The following CNOT2 variants were observed in gnomAD, a reference collection of about 807,000 sequenced individuals.
CNOT2 encodes CCR4-NOT transcription complex subunit 2.
CNOT2 carries 7 observed loss-of-function variants against 72.1 expected under a neutral mutation model. The observed-to-expected ratio is 0.10, with a 90% CI of 0.06 to 0.18. The LOEUF (loss-of-function observed/expected upper bound fraction) is 0.18, where lower values mean the gene tolerates loss of function less well. CNOT2 is among the 10% of genes least tolerant of loss of function. The pLI, the probability that CNOT2 is intolerant of heterozygous loss-of-function variation, is 1.00. For synonymous variants in CNOT2, 196 were observed against 225.6 expected, an observed-to-expected ratio of 0.87 and a Z score of 1.17; for missense variants, 345 against 660.3, an observed-to-expected ratio of 0.52 and a Z score of 5.23.
At chr12:70,245,919 G>A (rs142230172) in intron 1 of CNOT2, among the ~76,000 whole-genome samples, 51 of 152,256 alleles carry the variant, frequency 3.3e-4, no homozygotes, top group African/African-American at 1.2e-3. Flanking sequence ...TGTATGAATA[G>A]ATTTTATTAG....
intron 1 of CNOT2, among the ~76,000 whole-genome samples, chr12:70,267,239 A>C (rs967967218): frequency 6.6e-6 from 1 of 152,158 alleles, no homozygotes. Flanking sequence ...GGAAGCCCCA[A>C]ATCTCAAGGT....
In CNOT2 at chr12:70,354,163, T is replaced by A. The variant is rs2136104969; in HGVS notation, c.*248T>A. 1.6e-6 allele frequency: 1 copy of A among 616,654 alleles called. No individual in the cohort carries two copies. Among genetic ancestry groups the A allele is most frequent in the Non-Finnish European group, 2.4e-6 (1 of 420,616 alleles). 38.2% of individuals were successfully genotyped at this position (616,654 alleles called of 1,614,324 possible). On this transcript the variant is annotated 3_prime_UTR_variant, in exon 16 of 16. Transcript: ENST00000229195. Reference sequence around the variant, plus strand: ...AGCAGGGTCTGAATTTTTTCATTTATTTCCTTTTTTGCCAGCAGACAGACT... The same window carrying A: ...AGCAGGGTCTGAATTTTTTCATTTAATTCCTTTTTTGCCAGCAGACAGACT...
chr12:70,314,780 T>C (rs936960081), intron 3 of CNOT2, among the ~76,000 whole-genome samples: 3 of 152,172 alleles, frequency 2.0e-5, no homozygotes, highest in African/African-American at 7.2e-5. Context: ...GTTCTGTGAC[T>C]TAATGACTAT....
chr12:70,249,272 A>G (rs1228151688), intron 1 of CNOT2, among the ~76,000 whole-genome samples: 2 of 151,972 alleles, frequency 1.3e-5, no homozygotes, highest in Non-Finnish European at 2.9e-5. Context: ...GTAAAATAAA[A>G]TATTAAGTTT....
chr12:70,322,624 G>A (rs981796013), intron 4 of CNOT2: 8 of 151,688 alleles, frequency 5.3e-5, no homozygotes, highest in African/African-American at 1.9e-4. Context: ...GATGGAAGAA[G>A]AGCTAAATCT....
chr12:70,347,726 G>C (rs2136084984), intron 15 of CNOT2: 1 of 151,578 alleles, frequency 6.6e-6, no homozygotes, highest in African/African-American at 2.4e-5. Context: ...ATGTTTCTCA[G>C]TGGTAAATGT....
At chr12:70,334,726 TTAAAA>T (rs1297758883) in intron 7 of CNOT2, 1 of 152,104 alleles carries the variant, frequency 6.6e-6, no homozygotes, top group Non-Finnish European at 1.5e-5. Context: ...TTGTTTTAAC[TTAAAA>T]TGAACAAAAA....
At chr12:70,258,408 G>C (rs1219289411) in intron 1 of CNOT2, among the ~76,000 whole-genome samples, 1 of 152,162 alleles carries the variant, frequency 6.6e-6, no homozygotes, top group Non-Finnish European at 1.5e-5. Flanking sequence ...TGTATTTTCA[G>C]TATTAAGCTT....
chr12:70,324,438 G>T (rs933797386), intron 4 of CNOT2, among the ~76,000 whole-genome samples: 1 of 151,768 alleles, frequency 6.6e-6, no homozygotes, highest in African/African-American at 2.4e-5. Flanking sequence ...GAAGTGATCA[G>T]ATTTGGTACA....
At chr12:70,266,349 C>G (rs908335806) in intron 1 of CNOT2, among the ~76,000 whole-genome samples, 7 of 152,142 alleles carry the variant, frequency 4.6e-5, no homozygotes, top group African/African-American at 1.7e-4. Flanking sequence ...CCTCAAACTC[C>G]TGACCTCAGG....
chr12:70,320,407 T>C (rs1394540158), intron 4 of CNOT2, among the ~76,000 whole-genome samples: 1 of 151,780 alleles, frequency 6.6e-6, no homozygotes, highest in Non-Finnish European at 1.5e-5. Flanking sequence ...CATTTACTTT[T>C]TTCTGTCTAT....
chr12:70,243,018 A>G (rs1957635438), upstream of CNOT2: 2 of 152,660 alleles, frequency 1.3e-5, no homozygotes, highest in African/African-American at 4.8e-5. Flanking sequence ...AAACACGAAC[A>G]CGAACACGCT....
chr12:70,261,183 T>C (rs2135736813), intron 1 of CNOT2, among the ~76,000 whole-genome samples: 1 of 152,168 alleles, frequency 6.6e-6, no homozygotes, highest in African/African-American at 2.4e-5. Context: ...TTTGTTTTTA[T>C]GATGTTGAAC....
chr12:70,334,687 A>C (rs1880426220), intron 7 of CNOT2: 1 of 152,114 alleles, frequency 6.6e-6, no homozygotes, highest in African/African-American at 2.4e-5. Flanking sequence ...AGTTGGGTTA[A>C]ATTTTAATTT....
At chr12:70,340,889 C>CTTTTTTTTTTTTTTTTTTTTTTTTTTT (rs55884675) in intron 11 of CNOT2, among the ~76,000 whole-genome samples, 1 of 85,686 alleles carries the variant, frequency 1.2e-5, no homozygotes, top group Non-Finnish European at 2.1e-5. Flanking sequence ...AACCCCAAAT[C>CTTTTTTTTTTTTTTTTTTTTTTTTTTT]TTTTTTTTTT....
intron 4 of CNOT2, chr12:70,322,366 A>G (rs1467073936): frequency 6.6e-6 from 1 of 151,816 alleles, no homozygotes; most frequent in African/African-American, 2.4e-5. Context: ...ATTAGAATCA[A>G]CAGGGAACCA....
intron 1 of CNOT2, among the ~76,000 whole-genome samples, chr12:70,255,484 C>T (rs1055520422): frequency 6.6e-6 from 1 of 151,850 alleles, no homozygotes; most frequent in East Asian, 1.9e-4. Context: ...AAAGTAAATA[C>T]CATATAAGGC....
At chr12:70,303,661 A>C (rs1055148202) in intron 2 of CNOT2, among the ~76,000 whole-genome samples, 5 of 152,064 alleles carry the variant, frequency 3.3e-5, no homozygotes, top group African/African-American at 9.6e-5. Context: ...TTTTTCCTTC[A>C]TTTCAACTTT....
intron 14 of CNOT2, chr12:70,345,419 A>T (rs1882040227): frequency 6.6e-6 from 1 of 152,164 alleles, no homozygotes; most frequent in Admixed American, 6.5e-5. Context: ...GTAAATAAAT[A>T]CATTCAGGCA....
Sources: allele counts gnomAD v4.1 joint callset (sites outside exome capture counted in the v4.1 genomes callset), GRCh38; gene constraint gnomAD v4.1.1; transcripts MANE v1.5; gene names NCBI Gene and HGNC (gene_info 2026-07-23, HGNC 2026-07-21).